DYRK1A: variants seen among roughly 807,000 people sequenced by gnomAD.
DYRK1A encodes dual specificity tyrosine phosphorylation regulated kinase 1A, also known as dual specificity tyrosine-phosphorylation-regulated kinase 1A.
Under a neutral mutation model 79.7 loss-of-function variants are expected in DYRK1A, and 9 were observed. The ratio of observed to expected loss-of-function variants is 0.11; its 90% confidence interval spans 0.07 to 0.20. The LOEUF (loss-of-function observed/expected upper bound fraction) is 0.20. Ranked by LOEUF, DYRK1A falls within the 10% of genes least tolerant of loss-of-function variation. The pLI is 1.00. For missense variants in DYRK1A, 622 were observed against 956.0 expected, an observed-to-expected ratio of 0.65 and a Z score of 4.61; for synonymous variants, 349 against 329.7, an observed-to-expected ratio of 1.06 and a Z score of -0.63.
chr21:37,467,134 A>C (rs938811800), intron 2 of DYRK1A, among the ~76,000 whole-genome samples: 1 of 151,976 alleles, frequency 6.6e-6, no homozygotes, highest in African/African-American at 2.4e-5. Context: ...AAACAAAAAA[A>C]CGGAAACTAT....
At chr21:37,396,337 T>G (rs2049959357) in intron 1 of DYRK1A, among the ~76,000 whole-genome samples, 1 of 152,214 alleles carries the variant, frequency 6.6e-6, no homozygotes, top group Admixed American at 6.5e-5. Flanking sequence ...AAGGTAATGT[T>G]AACTTCTTTG....
intron 3 of DYRK1A, among the ~76,000 whole-genome samples, chr21:37,474,174 A>C (rs2052320537): frequency 6.6e-6 from 1 of 152,198 alleles, no homozygotes; most frequent in Non-Finnish European, 1.5e-5. Flanking sequence ...GTGCTCTTTC[A>C]GGTCTAACCT....
At chr21:37,468,960 G>T (rs998260159) in intron 2 of DYRK1A, among the ~76,000 whole-genome samples, 27 of 152,134 alleles carry the variant, frequency 1.8e-4, no homozygotes, top group African/African-American at 6.0e-4. Flanking sequence ...AAAAATCCTA[G>T]AAATTTGTAA....
chr21:37,478,653 A>ACGTTCT (rs1039438370), intron 4 of DYRK1A, among the ~76,000 whole-genome samples: 2 of 151,844 alleles, frequency 1.3e-5, no homozygotes, highest in African/African-American at 4.8e-5. Context: ...ATGTGTTAGA[A>ACGTTCT]TTTTTGCTAG....
At chr21:37,487,574 T>C (rs1219210266) in intron 6 of DYRK1A, 5 of 152,180 alleles carry the variant, frequency 3.3e-5, no homozygotes, top group Non-Finnish European at 7.4e-5. Flanking sequence ...TAGTCACTTG[T>C]GTTCAGAAAC....
intron 2 of DYRK1A, among the ~76,000 whole-genome samples, chr21:37,467,012 C>G (rs2052048122): frequency 6.7e-6 from 1 of 150,190 alleles, no homozygotes; most frequent in African/African-American, 2.4e-5. Context: ...TTAACAGACA[C>G]AGCAGAAAAT....
At chr21:37,392,860 A>C (rs1602393209) in intron 1 of DYRK1A, among the ~76,000 whole-genome samples, 2 of 152,400 alleles carry the variant, frequency 1.3e-5, no homozygotes, top group East Asian at 3.8e-4. Flanking sequence ...GTGAGGATCC[A>C]GTCTTTCTGC....
At chr21:37,457,653 T>A (rs2051696790) in intron 2 of DYRK1A, among the ~76,000 whole-genome samples, 1 of 152,228 alleles carries the variant, frequency 6.6e-6, no homozygotes, top group Non-Finnish European at 1.5e-5. Context: ...CAAAGCCAAA[T>A]GATTGCCTCA....
intron 3 of DYRK1A, among the ~76,000 whole-genome samples, chr21:37,473,445 C>CAT (rs1463758715): frequency 1.3e-5 from 2 of 152,090 alleles, no homozygotes; most frequent in Non-Finnish European, 2.9e-5. Flanking sequence ...CATACACATG[C>CAT]ATATATATGT....
At chr21:37,395,648 T>C (rs926233564) in intron 1 of DYRK1A, among the ~76,000 whole-genome samples, 2 of 152,212 alleles carry the variant, frequency 1.3e-5, no homozygotes, top group African/African-American at 4.8e-5. Context: ...TACTCTGGCA[T>C]AGTACCTGCC....
At position 37,367,554 on chromosome 21, in the gene DYRK1A, GGCGGGAGCGCGGC is replaced by G. The variant is rs1200671262; in HGVS notation, c.-142_-130del. ...GGGCGGCGCTGGCTGCGGAGGCCGCGGCGGGAGCGCGGCGCGGGAGCCCGAGGCTGAGACTCAC... is the reference window on the plus strand; with the variant it reads ...GGGCGGCGCTGGCTGCGGAGGCCGCGGCGGGAGCCCGAGGCTGAGACTCAC... On this transcript the variant is annotated 5_prime_UTR_variant, in exon 1 of 12. Transcript: ENST00000647188. 6.7e-6 allele frequency: 1 copy of G among 148,372 alleles called. No homozygotes were observed. Among genetic ancestry groups the G allele is most frequent in the African/African-American group, 2.4e-5 (1 of 40,942 alleles). The allele number at this position is 148,372 out of a possible 1,614,324, so 9.2% of individuals were successfully genotyped here. A position where few individuals can be genotyped will look rare whatever the true frequency, so the allele number is the denominator to read the frequency against.
chr21:37,390,252 G>T (rs2049844875), intron 1 of DYRK1A, among the ~76,000 whole-genome samples: 1 of 151,920 alleles, frequency 6.6e-6, no homozygotes, highest in Non-Finnish European at 1.5e-5. Context: ...GCAATTTTGG[G>T]GTCTTATTAC....
rs1406300993 is a variant in DYRK1A at position 37,480,729 on chromosome 21, A to T, written c.392A>T (p.Tyr131Phe). Residue 131 changes from tyrosine (Y) to phenylalanine (F), a missense_variant, in exon 5 of 12, where the codon TAT (tyrosine) becomes TTT (phenylalanine). This residue lies in a region of DYRK1A where 138 missense variants were observed against 346.4 expected (regional missense o/e 0.40). Coordinates refer to ENST00000647188, the MANE Select transcript of DYRK1A (RefSeq NM_001347721.2). ...KKERKVYNDG[Y>F]DDDNYDYIVK... is the part of the protein sequence containing the mutation. ...GAACGGAAGGTTTACAATGATGGTT[A>T]TGATGATGATAACTATGATTATATT... 1 of 1,612,970 alleles carries T rather than the reference A, an allele frequency of 6.2e-7. No homozygotes were observed. The highest frequency in any genetic ancestry group is 8.5e-7 in the Non-Finnish European group (1 of 1,179,444).
At chr21:37,386,774 T>C (rs1475259153) in intron 1 of DYRK1A, among the ~76,000 whole-genome samples, 1 of 152,098 alleles carries the variant, frequency 6.6e-6, no homozygotes, top group Non-Finnish European at 1.5e-5. Flanking sequence ...CATTTCCCCC[T>C]TTAGTCACTG....
chr21:37,416,783 T>G (rs2050350431), intron 1 of DYRK1A, among the ~76,000 whole-genome samples: 1 of 152,162 alleles, frequency 6.6e-6, no homozygotes, highest in African/African-American at 2.4e-5. Flanking sequence ...CTGAGTTATC[T>G]TTTTAGATCC....
intron 1 of DYRK1A, among the ~76,000 whole-genome samples, chr21:37,401,857 G>A (rs180932958): frequency 2.0e-4 from 30 of 152,270 alleles, no homozygotes; most frequent in African/African-American, 7.2e-4. Flanking sequence ...CGCAATTACT[G>A]TGTATAAGCT....
chr21:37,445,755 G>A (rs148688584), intron 2 of DYRK1A, among the ~76,000 whole-genome samples: 1 of 152,220 alleles, frequency 6.6e-6, no homozygotes, highest in East Asian at 1.9e-4. Flanking sequence ...TCAAAGCCCA[G>A]CACCCTCTAT....
intron 2 of DYRK1A, among the ~76,000 whole-genome samples, chr21:37,470,864 G>T (rs555382866): frequency 1.3e-5 from 2 of 152,290 alleles, no homozygotes; most frequent in South Asian, 4.1e-4. Context: ...GAATTGAATT[G>T]AATGAAAGTA....
chr21:37,470,735 T>A (rs1476906555), intron 2 of DYRK1A, among the ~76,000 whole-genome samples: 1 of 152,234 alleles, frequency 6.6e-6, no homozygotes, highest in Admixed American at 6.5e-5. Flanking sequence ...TTTTCAATGT[T>A]TTGCTTTTAC....
Sources: allele counts gnomAD v4.1 joint callset (sites outside exome capture counted in the v4.1 genomes callset), GRCh38; gene constraint gnomAD v4.1.1; regional missense constraint gnomAD v4.1.1; transcripts MANE v1.5; gene names NCBI Gene and HGNC (gene_info 2026-07-23, HGNC 2026-07-21).